HKDC1: variants seen among roughly 807,000 people sequenced by gnomAD.
HKDC1 encodes the protein hexokinase HKDC1.
HKDC1 carries 66 observed loss-of-function variants against 96.6 expected under a neutral mutation model. That is an observed-to-expected ratio of 0.68 (90% confidence interval 0.56 to 0.84). The LOEUF is 0.84. HKDC1 is among the 40% of genes least tolerant of loss of function. HKDC1 has a pLI of 0.00. For synonymous variants in HKDC1, 466 were observed against 473.1 expected, an observed-to-expected ratio of 0.98 and a Z score of 0.20; for missense variants, 1,211 against 1,208.1, an observed-to-expected ratio of 1.00 and a Z score of -0.04.
At chr10:69,256,980 T>C in intron 12 of HKDC1, 56 bp from the exon 13 acceptor site, 1 of 1,306,198 alleles carries the variant, frequency 7.7e-7, no homozygotes, top group Non-Finnish European at 1.1e-6. Flanking sequence ...ATGTTGAGGT[T>C]GTGCAGTGGC....
intron 10 of HKDC1, 136 bp from the exon 11 acceptor site, chr10:69,250,154 G>T: frequency 4.2e-6 from 4 of 955,926 alleles, no homozygotes; most frequent in Non-Finnish European, 6.3e-6. Context: ...GTGCAGGGTG[G>T]CCCCCACGAC....
intron 6 of HKDC1, among the ~76,000 whole-genome samples, chr10:69,242,120 T>A (rs370400112): frequency 1.2e-4 from 18 of 152,358 alleles, no homozygotes; most frequent in East Asian, 1.2e-3. Flanking sequence ...TGCTTTTTCT[T>A]AATGTCCCTC....
At chr10:69,252,504 G>A (rs754484027) in intron 12 of HKDC1, among the ~76,000 whole-genome samples, 5 of 152,056 alleles carry the variant, frequency 3.3e-5, no homozygotes, top group Non-Finnish European at 1.5e-5. Flanking sequence ...AAATTAGCCC[G>A]GCGTGGTGGC....
At chr10:69,231,108 T>A (rs1290664180) in intron 2 of HKDC1, among the ~76,000 whole-genome samples, 1 of 152,142 alleles carries the variant, frequency 6.6e-6, no homozygotes, top group African/African-American at 2.4e-5. Flanking sequence ...TGATAGTGAT[T>A]GCGATGCGGG....
At position 69,246,157 on chromosome 10, in the gene HKDC1, C is replaced by G. The variant is rs1435398525; in HGVS notation, c.954C>G (p.Leu318=). 1.2e-6 allele frequency: 2 copies of G among 1,614,208 alleles called. No homozygotes were observed. The highest frequency in any genetic ancestry group is 4.5e-5 in the East Asian group (2 of 44,890). The part of the protein sequence containing the change: ...LILLKMAKAG[L]LFGGEKSSAL... ...TGCTGAAGATGGCCAAGGCTGGCCT[C>G]CTGTTTGGTGGTGAGAAATCTTCTG... Residue 318 remains leucine (L), a synonymous_variant, in exon 8 of 18, where the codon CTC becomes CTG. Transcript: ENST00000354624.
rs1399764254 is a variant in HKDC1, at chr10:69,227,334, T to C, written c.191T>C (p.Leu64Ser). ...DTNPTAAVKM[L>S]PTFVRAIPDG... ...AACCCCACGGCTGCAGTGAAGATGT[T>C]GCCCACCTTCGTCAGGGCCATTCCC... Residue 64 changes from leucine (L) to serine (S), a missense_variant, in exon 2 of 18, where the codon TTG becomes TCG. Leu to Ser is a moderately radical substitution (Grantham distance 145). Coordinates refer to ENST00000354624, the MANE Select transcript of HKDC1 (RefSeq NM_025130.4). 1 of 1,614,090 alleles carries C rather than the reference T, an allele frequency of 6.2e-7. No homozygotes were observed. Among genetic ancestry groups the C allele is most frequent in the Non-Finnish European group, 8.5e-7 (1 of 1,180,042 alleles).
chr10:69,229,686 T>C (rs1843221047), intron 2 of HKDC1, among the ~76,000 whole-genome samples: 1 of 151,964 alleles, frequency 6.6e-6, no homozygotes, highest in African/African-American at 2.4e-5. Context: ...GGTTCAGAAG[T>C]GAAACTAACT....
In HKDC1 at chr10:69,265,964, A is replaced by G. The variant is rs568159540; in HGVS notation, c.2606+146A>G. ...GGAGTGCTGTGTGGTCAAGTCACCTATTCAATCTGACAGACAAGGTGTGAG... is the reference window on the plus strand; with the variant it reads ...GGAGTGCTGTGTGGTCAAGTCACCTGTTCAATCTGACAGACAAGGTGTGAG... On this transcript the variant is annotated intron_variant, in intron 17 of 17. Transcript: ENST00000354624. 1.2e-5 allele frequency: 8 copies of G among 652,962 alleles called. No homozygotes were observed. The East Asian group carries it at 1.7e-4, about 14-fold the overall frequency. 40.4% of individuals were successfully genotyped at this position (652,962 alleles called of 1,614,324 possible). A position where few individuals can be genotyped will look rare whatever the true frequency, so the allele number is the denominator to read the frequency against.
rs1843910415 is a variant in HKDC1 at position 69,266,908 on chromosome 10, A to G, written c.*151A>G. The G allele has an allele frequency of 1.5e-6, 1 of 680,602 alleles. No individual in the cohort carries two copies. The highest frequency in any genetic ancestry group is 1.8e-5 in the African/African-American group (1 of 55,736). 42.2% of individuals were successfully genotyped at this position (680,602 alleles called of 1,614,324 possible). Reference sequence around the variant, plus strand: ...CCCCAGGTTCTCGGGTACTCTTAGTATCTTGTACTGGATTTGCAGTGACAT... The same window carrying G: ...CCCCAGGTTCTCGGGTACTCTTAGTGTCTTGTACTGGATTTGCAGTGACAT... On this transcript the variant is annotated 3_prime_UTR_variant, in exon 18 of 18. Transcript: ENST00000354624.
intron 4 of HKDC1, among the ~76,000 whole-genome samples, chr10:69,233,619 C>T (rs1387772983): frequency 6.8e-6 from 1 of 148,118 alleles, no homozygotes. Context: ...CACTGGAGGA[C>T]CAGGCGCGGT....
At chr10:69,236,245 T>C (rs1843358810) in intron 4 of HKDC1, among the ~76,000 whole-genome samples, 1 of 151,444 alleles carries the variant, frequency 6.6e-6, no homozygotes. Flanking sequence ...AATGGTGGTA[T>C]TACAGGTGCC....
At chr10:69,250,751 G>C in intron 12 of HKDC1, 99 bp downstream of exon 12, 1 of 1,374,470 alleles carries the variant, frequency 7.3e-7, no homozygotes, top group East Asian at 2.3e-5. Flanking sequence ...ATTTTTACAG[G>C]GATCTTGGGT....
At chr10:69,233,670 G>A (rs575919804) in intron 4 of HKDC1, among the ~76,000 whole-genome samples, 3 of 150,944 alleles carry the variant, frequency 2.0e-5, no homozygotes, top group Non-Finnish European at 1.5e-5. Flanking sequence ...AGGCCGAGGC[G>A]GGCGGATCAT....
chr10:69,251,752 T>G (rs1049027464), intron 12 of HKDC1, among the ~76,000 whole-genome samples: 1 of 150,616 alleles, frequency 6.6e-6, no homozygotes, highest in Non-Finnish European at 1.5e-5. Flanking sequence ...TAAATGGAAT[T>G]GTTTTCTTTT....
At chr10:69,221,018 C>T (rs193198773) in intron 1 of HKDC1, among the ~76,000 whole-genome samples, 5 of 152,088 alleles carry the variant, frequency 3.3e-5, no homozygotes, top group Admixed American at 6.5e-5. Context: ...GGTGTGGTGG[C>T]GGGCACCTGT....
chr10:69,261,299 C>A lies in HKDC1; in HGVS notation c.2372+5C>A, dbSNP rs1418937202. 6.2e-7 allele frequency: 1 copy of A among 1,613,072 alleles called. No individual in the cohort carries two copies. The highest frequency in any genetic ancestry group is 1.1e-5 in the South Asian group (1 of 91,054). The stretch of plus-strand genomic sequence containing the variant: ...GTTCCTGTCCCAGATCGAAAGGTGA[C>A]CTGTGATCAAGTTCATCATGAGGCT... On this transcript the variant is annotated splice_donor_5th_base_variant and intron_variant, in intron 16 of 17. Coordinates refer to ENST00000354624, the MANE Select transcript of HKDC1 (RefSeq NM_025130.4).
intron 4 of HKDC1, among the ~76,000 whole-genome samples, chr10:69,237,613 G>A (rs1340876181): frequency 2.6e-5 from 4 of 152,210 alleles, no homozygotes; most frequent in African/African-American, 4.8e-5. Flanking sequence ...TCTATCGCAA[G>A]CATTTATCCC....
At chr10:69,251,087 CTTT>C (rs869084452) in intron 12 of HKDC1, among the ~76,000 whole-genome samples, 23 of 92,688 alleles carry the variant, frequency 2.5e-4, no homozygotes, top group African/African-American at 8.9e-4. Context: ...AAATACATTT[CTTT>C]TTTTTTTTTT....
rs184445568 is a variant in HKDC1 at position 69,240,678 on chromosome 10, G to A, written c.618G>A (p.Leu206=). ...ACATGGACGTGGACATCCTGGCCCT[G>A]GTCAATGACACCGTGGGGACCATGA... ...HKDMDVDILA[L]VNDTVGTMMT... The change falls in exon 6 of 18, where the codon CTG becomes CTA. Residue 206 remains leucine, a synonymous_variant. Coordinates refer to ENST00000354624, the MANE Select transcript of HKDC1 (RefSeq NM_025130.4). The A allele has an allele frequency of 4.0e-4, 649 of 1,614,042 alleles. 1 individual carries two copies. Among genetic ancestry groups the A allele is most frequent in the Non-Finnish European group, 5.1e-4 (596 of 1,179,970 alleles).
Sources: gnomAD v4.1 joint callset for allele counts (sites outside exome capture counted in the v4.1 genomes callset) on GRCh38, gnomAD v4.1.1 for gene constraint, MANE v1.5 for transcripts, NCBI Gene and HGNC (gene_info 2026-07-23, HGNC 2026-07-21) for gene names.